BEGAIN: variants seen among roughly 807,000 people sequenced by gnomAD.
The protein encoded by BEGAIN is brain enriched guanylate kinase associated.
Under a neutral mutation model 35.8 loss-of-function variants are expected in BEGAIN, and 19 were observed. The ratio of observed to expected loss-of-function variants is 0.53; its 90% CI spans 0.37 to 0.78. BEGAIN has a LOEUF of 0.78. BEGAIN is among the 30% of genes least tolerant of loss of function. The probability of loss-of-function intolerance (pLI) is 0.00; values close to 1 mark genes in which losing one functional copy is unlikely to be tolerated. For missense variants in BEGAIN, 795 were observed against 853.6 expected, an observed-to-expected ratio of 0.93 and a Z score of 0.85; for synonymous variants, 462 against 388.6, an observed-to-expected ratio of 1.19 and a Z score of -2.22.
Position 100,538,818 on chromosome 14 carries a change from C to T in BEGAIN, c.990G>A (p.Glu330=). Residue 330 remains glutamate, a synonymous_variant, in exon 7 of 7, where the codon GAG becomes GAA. Transcript: ENST00000554140. ...CGGTCAGCGTGCTGGCCTGCGCGTG[C>T]TCCTTCTCCTCCGACGTGGCGCTGA... is the stretch of plus-strand genomic sequence containing the variant. ...SSFSATSEEK[E]HAQASTLTAS... is the part of the protein sequence containing the mutation. The T allele has an allele frequency of 6.2e-7, 1 of 1,604,148 alleles. No individual in the cohort carries two copies. Among genetic ancestry groups the T allele is most frequent in the African/African-American group, 1.3e-5 (1 of 74,962 alleles).
chr14:100,545,046 G>A lies in BEGAIN; in HGVS notation c.254C>T (p.Ala85Val). ...CAGCTCCTGGTTGATCCTCTGCAGTGCCATGTAGTTGCTCTGAATCCTGGT... is the reference window on the plus strand; with the variant it reads ...CAGCTCCTGGTTGATCCTCTGCAGTACCATGTAGTTGCTCTGAATCCTGGT... ...KLRRIQSNYM[A>V]LQRINQELED... Residue 85 changes from alanine to valine, a missense_variant, in exon 4 of 7, where the codon GCA (alanine) becomes GTA (valine). Physicochemically the swap from Ala to Val is moderately conservative, Grantham distance 64. This residue lies in a region of BEGAIN where 73 missense variants were observed against 143.2 expected (regional missense o/e 0.51). Transcript: ENST00000554140. 6.2e-7 allele frequency: 1 copy of A among 1,613,366 alleles called. No homozygotes were observed. Among genetic ancestry groups the A allele is most frequent in the Non-Finnish European group, 8.5e-7 (1 of 1,180,002 alleles).
At chr14:100,553,882 C>A (rs577227249) in intron 2 of BEGAIN, among the ~76,000 whole-genome samples, 2 of 152,368 alleles carry the variant, frequency 1.3e-5, no homozygotes, top group East Asian at 3.9e-4. Flanking sequence ...AGGTGGGATG[C>A]TCCCTGGCTC....
chr14:100,539,208 G>A lies in BEGAIN; in HGVS notation c.600C>T (p.Cys200=). 4 of 1,583,950 alleles carry A rather than the reference G, an allele frequency of 2.5e-6. No individual in the cohort carries two copies. Among genetic ancestry groups the A allele is most frequent in the Non-Finnish European group, 3.4e-6 (4 of 1,164,026 alleles). ...GCTTCTCCAGCACCTTGGCAATGACGCAGGTGGGGACGCTGTCGGCGTAGG... is the reference window on the plus strand; with the variant it reads ...GCTTCTCCAGCACCTTGGCAATGACACAGGTGGGGACGCTGTCGGCGTAGG... ...HPAYADSVPT[C]VIAKVLEKPD... Residue 200 remains cysteine (C), a synonymous_variant, in exon 7 of 7, where the codon TGC becomes TGT. Coordinates refer to ENST00000554140, the MANE Select transcript of BEGAIN (RefSeq NM_001385089.1).
chr14:100,554,307 G>C (rs963121227), intron 2 of BEGAIN, among the ~76,000 whole-genome samples: 2 of 152,162 alleles, frequency 1.3e-5, no homozygotes, highest in South Asian at 4.1e-4. Flanking sequence ...ACAGTCAGCC[G>C]AGGGCCCGAG....
intron 1 of BEGAIN, among the ~76,000 whole-genome samples, chr14:100,584,046 T>C (rs898355447): frequency 7.2e-5 from 11 of 152,194 alleles, no homozygotes; most frequent in African/African-American, 2.7e-4. Context: ...ATCCTGCTAG[T>C]GCTTCCCTTC....
intron 5 of BEGAIN, among the ~76,000 whole-genome samples, chr14:100,541,712 C>A (rs1483346507): frequency 6.6e-6 from 1 of 152,232 alleles, no homozygotes; most frequent in African/African-American, 2.4e-5. Context: ...GGAGTGGCTG[C>A]CACTGGGAAG....
intron 1 of BEGAIN, among the ~76,000 whole-genome samples, chr14:100,575,681 C>T (rs1000467444): frequency 6.6e-6 from 1 of 152,044 alleles, no homozygotes; most frequent in Non-Finnish European, 1.5e-5. Flanking sequence ...GGCCTGGAGA[C>T]CAGGGCCTCC....
intron 2 of BEGAIN, among the ~76,000 whole-genome samples, chr14:100,553,401 G>A (rs1480539126): frequency 6.6e-6 from 1 of 152,162 alleles, no homozygotes; most frequent in Non-Finnish European, 1.5e-5. Context: ...GACGGTGACA[G>A]CCAGGTCTGG....
In BEGAIN at chr14:100,543,882, G is replaced by A. The variant is rs974217549; in HGVS notation, c.384C>T (p.Thr128=). The A allele has an allele frequency of 6.2e-7, 1 of 1,613,544 alleles. No homozygotes were observed. Among genetic ancestry groups the A allele is most frequent in the East Asian group, 2.2e-5 (1 of 44,876 alleles). Residue 128 remains threonine, a synonymous_variant, in exon 5 of 7, where the codon ACC becomes ACT. Transcript: ENST00000554140. The part of the protein sequence containing the change: ...LNSHLLEAKV[T]IDKLSEDNEL... The stretch of plus-strand genomic sequence containing the variant: ...CGTTGTCCTCTGACAGCTTGTCGAT[G>A]GTCACCTTGGCTTCTAGCAGATGGC...
At chr14:100,562,858 T>A (rs1457858208) in intron 2 of BEGAIN, among the ~76,000 whole-genome samples, 3 of 152,236 alleles carry the variant, frequency 2.0e-5, no homozygotes, top group African/African-American at 7.2e-5. Flanking sequence ...AAGTTTTCTG[T>A]TCCCGCCGAC....
intron 2 of BEGAIN, among the ~76,000 whole-genome samples, chr14:100,565,793 C>T (rs2034638135): frequency 6.6e-6 from 1 of 152,216 alleles, no homozygotes; most frequent in Non-Finnish European, 1.5e-5. Flanking sequence ...CGGCACCCAA[C>T]ATCCCTGCAA....
Position 100,538,183 on chromosome 14 carries a change from C to T in BEGAIN, c.1625G>A (p.Arg542Lys), listed in dbSNP as rs764179483. 3.2e-6 allele frequency: 5 copies of T among 1,541,708 alleles called. No homozygotes were observed. The East Asian group carries it at 9.5e-5, about 29-fold the overall frequency. The change falls in exon 7 of 7, where the codon AGG becomes AAG. Residue 542 changes from arginine to lysine, a missense_variant. Physicochemically the swap from Arg to Lys is conservative, Grantham distance 26 (BLOSUM62 2). Transcript: ENST00000554140. The stretch of plus-strand genomic sequence containing the variant: ...GGTCCCACACAGCTGCACCCCGAGC[C>T]TGTCCCCGTCCCCCCCCTCGCTGGG... ...YAPSEGGDGD[R>K]LGVQLCGTAS...
rs147475435 is a variant in BEGAIN at position 100,564,971 on chromosome 14, A to G, written c.71+2940T>C. ...CCTTGGAAACTCCTACCCATTCTTC[A>G]TGCCTTGGCTCAAGTGTCCCTGCTT... On this transcript the variant is annotated intron_variant, in intron 2 of 6. Transcript: ENST00000554140. Among the ~76,000 whole-genome samples the G allele has an allele frequency of 2.6e-3, 395 of 152,202 alleles. 8 individuals are homozygous for G. The East Asian group carries it at 0.032, about 12-fold the overall frequency.
In BEGAIN at chr14:100,537,888, G is replaced by A. The variant is rs1294237930; in HGVS notation, c.*81C>T. The A allele has an allele frequency of 3.4e-6, 5 of 1,490,850 alleles. No homozygotes were observed. Among genetic ancestry groups the A allele is most frequent in the East Asian group, 2.5e-5 (1 of 40,530 alleles). 92.4% of individuals were successfully genotyped at this position (1,490,850 alleles called of 1,614,324 possible). On this transcript the variant is annotated 3_prime_UTR_variant, in exon 7 of 7. Coordinates refer to ENST00000554140, the MANE Select transcript of BEGAIN (RefSeq NM_001385089.1). ...TGGCCGGGGCAGGGGAACAGCGGGG[G>A]CTGGGGAGAGGTGAGGCCGGCCCTT...
intron 1 of BEGAIN, chr14:100,577,566 G>A: frequency 2.5e-6 from 1 of 399,100 alleles, no homozygotes. Context: ...GCACCCTGAA[G>A]GCCTCCAGGG....
chr14:100,546,338 C>G (rs954261572), intron 3 of BEGAIN, 163 bp downstream of exon 3: 7 of 450,762 alleles, frequency 1.6e-5, no homozygotes, highest in South Asian at 7.8e-5. Context: ...GGCCCTGCCC[C>G]ACCCCGGCCC....
rs752601595 is a variant in BEGAIN at position 100,538,814 on chromosome 14, C to T, written c.994G>A (p.Ala332Thr). Residue 332 changes from alanine to threonine, a missense_variant, in exon 7 of 7, where the codon GCG becomes ACG. By Grantham distance (58) the Ala-to-Thr change is moderately conservative. Transcript: ENST00000554140. ...GACGCGGTCAGCGTGCTGGCCTGCG[C>T]GTGCTCCTTCTCCTCCGACGTGGCG... Reference protein sequence around the residue: ...FSATSEEKEHAQASTLTASQQ... With the variant: ...FSATSEEKEHTQASTLTASQQ... 1.4e-5 allele frequency: 23 copies of T among 1,603,346 alleles called. No individual in the cohort carries two copies. The African/African-American group carries it at 2.0e-4, about 14-fold the overall frequency.
At chr14:100,548,932 A>C (rs2032879667) in intron 2 of BEGAIN, 2 of 152,120 alleles carry the variant, frequency 1.3e-5, no homozygotes, top group African/African-American at 2.4e-5. Context: ...CCCCTCCCCA[A>C]GTCCTTCACA....
chr14:100,553,973 G>T (rs1176960431), intron 2 of BEGAIN, among the ~76,000 whole-genome samples: 2 of 152,152 alleles, frequency 1.3e-5, no homozygotes, highest in Non-Finnish European at 2.9e-5. Context: ...GTCCACTTAG[G>T]GTCAGGGCTG....
Sources: gnomAD v4.1 joint callset for allele counts (sites outside exome capture counted in the v4.1 genomes callset) on GRCh38, gnomAD v4.1.1 for gene constraint, gnomAD v4.1.1 regional missense constraint, MANE v1.5 for transcripts, NCBI Gene and HGNC (gene_info 2026-07-23, HGNC 2026-07-21) for gene names.